CLN5: variants seen among roughly 807,000 people sequenced by gnomAD.
CLN5 encodes bis(monoacylglycero)phosphate synthase CLN5.
CLN5 carries 34 observed loss-of-function variants against 36.7 expected under a neutral mutation model. That is an observed-to-expected ratio of 0.93 (90% CI 0.71 to 1.23). CLN5 has a LOEUF of 1.23. Among genes scored for constraint, CLN5 ranks in the 50% most tolerant of loss-of-function variants. CLN5 has a pLI of 0.00. For synonymous variants in CLN5, 151 were observed against 155.1 expected (o/e 0.97, Z 0.20); for missense variants, 427 against 439.4 (o/e 0.97, Z 0.25).
rs1323647431 is a variant in CLN5 at position 77,004,911 on chromosome 13, A to G, written c.*3942A>G. 1 of 152,318 alleles carries G rather than the reference A, an allele frequency of 6.6e-6. No homozygotes were observed. Among genetic ancestry groups the G allele is most frequent in the East Asian group, 1.9e-4 (1 of 5,190 alleles). The allele number at this position is 152,318 out of a possible 1,614,324, so 9.4% of individuals were successfully genotyped here. Reference sequence around the variant, plus strand: ...AAAAACTATTCTAATTTATATAAAGACATTTATCTCTAAAAAGACTGGTTG... The same window carrying G: ...AAAAACTATTCTAATTTATATAAAGGCATTTATCTCTAAAAAGACTGGTTG... On this transcript the variant is annotated 3_prime_UTR_variant, in exon 4 of 4. Coordinates refer to ENST00000377453, the MANE Select transcript of CLN5 (RefSeq NM_006493.4).
At position 76,995,202 on chromosome 13, in the gene CLN5, A is replaced by G; in HGVS notation, c.313A>G (p.Lys105Glu). Residue 105 changes from lysine (K) to glutamate (E), a missense_variant, in exon 2 of 4, where the codon AAA becomes GAA. Physicochemically the swap from Lys to Glu is moderately conservative, Grantham distance 56 (BLOSUM62 1). Transcript: ENST00000377453. ...FRLQAPVWEF[K>E]YGDLLGHLKI... ...ATTACAAGCCCCAGTATGGGAATTTAAATATGGAGACCTCCTGGGACACTT... is the reference window on the plus strand; with the variant it reads ...ATTACAAGCCCCAGTATGGGAATTTGAATATGGAGACCTCCTGGGACACTT... 7 of 1,614,172 alleles carry G rather than the reference A, an allele frequency of 4.3e-6. No individual in the cohort carries two copies. Among genetic ancestry groups the G allele is most frequent in the Non-Finnish European group, 5.9e-6 (7 of 1,180,008 alleles).
Position 76,996,027 on chromosome 13 carries a change from C to T in CLN5, c.465C>T (p.Ala155=), listed in dbSNP as rs1480870613. ...CCCATCTCCGACCTGAAATGGATGC[C>T]CCTTTCTGGTGTAATCAAGGCGCTG... The part of the protein sequence containing the change: ...TFPHLRPEMD[A]PFWCNQGAAC... Residue 155 remains alanine, a synonymous_variant, in exon 3 of 4, where the codon GCC becomes GCT. Transcript: ENST00000377453. 3 of 1,614,100 alleles carry T rather than the reference C, an allele frequency of 1.9e-6. No individual in the cohort carries two copies. The highest frequency in any genetic ancestry group is 3.3e-4 in the Middle Eastern group (2 of 6,062).
At chr13:76,992,953 T>C (rs1045953140) in intron 1 of CLN5, 4 of 152,234 alleles carry the variant, frequency 2.6e-5, no homozygotes, top group African/African-American at 9.7e-5. Flanking sequence ...CAGAGATAGC[T>C]AAACACAGAG....
rs138068912 is a variant in CLN5, at chr13:76,996,180, A to G, written c.565+53A>G. 1.7e-5 allele frequency: 24 copies of G among 1,378,172 alleles called. No individual in the cohort carries two copies. In the East Asian group the frequency reaches 3.4e-4, roughly 20 times the overall value. 85.4% of individuals were successfully genotyped at this position (1,378,172 alleles called of 1,614,324 possible). A position where few individuals can be genotyped will look rare whatever the true frequency, so the allele number is the denominator to read the frequency against. Reference sequence around the variant, plus strand: ...GATCATTGCATCAAAAACCAAATGAAAGAAATTGTTATACTTCCATTGAAA... The same window carrying G: ...GATCATTGCATCAAAAACCAAATGAGAGAAATTGTTATACTTCCATTGAAA... On this transcript the variant is annotated intron_variant, in intron 3 of 3. Coordinates refer to ENST00000377453, the MANE Select transcript of CLN5 (RefSeq NM_006493.4).
chr13:76,995,145 A>G lies in CLN5; in HGVS notation c.256A>G (p.Met86Val), dbSNP rs780211160. Reference sequence around the variant, plus strand: ...TCCAACTGGCTCACCTATCCCAGTTATGGAGGGTGATGATGACATTGAAGT... The same window carrying G: ...TCCAACTGGCTCACCTATCCCAGTTGTGGAGGGTGATGATGACATTGAAGT... ...FCPTGSPIPV[M>V]EGDDDIEVFR... Residue 86 changes from methionine (M) to valine (V), a missense_variant, in exon 2 of 4, where the codon ATG becomes GTG. Coordinates refer to ENST00000377453, the MANE Select transcript of CLN5 (RefSeq NM_006493.4). 2 of 1,614,022 alleles carry G rather than the reference A, an allele frequency of 1.2e-6. No individual in the cohort carries two copies. The highest frequency in any genetic ancestry group is 1.1e-5 in the South Asian group (1 of 91,084).
chr13:76,995,955 C>T lies in CLN5; in HGVS notation c.393C>T (p.Tyr131=), dbSNP rs1228220283. The T allele has an allele frequency of 1.9e-6, 3 of 1,614,110 alleles. No individual in the cohort carries two copies. Among genetic ancestry groups the T allele is most frequent in the Non-Finnish European group, 2.5e-6 (3 of 1,180,048 alleles). ...GAAGTACATTAACTGGCAAGAACTA[C>T]ACAATGGAATGGTATGAACTTTTCC... ...GFRSTLTGKN[Y]TMEWYELFQL... The change falls in exon 3 of 4, where the codon TAC becomes TAT. Residue 131 remains tyrosine, a synonymous_variant. Transcript: ENST00000377453.
Position 77,001,290 on chromosome 13 carries a change from G to A in CLN5, c.*321G>A, listed in dbSNP as rs1171616865. 1 of 172,162 alleles carries A rather than the reference G, an allele frequency of 5.8e-6. No homozygotes were observed. The highest frequency in any genetic ancestry group is 1.2e-5 in the Non-Finnish European group (1 of 82,248). The allele number at this position is 172,162 out of a possible 1,614,324, so 10.7% of individuals were successfully genotyped here. ...CCTACAGATAGATATGGTGTGCCCA[G>A]ATTTTAAAAATACCTTCAAAAATAA... On this transcript the variant is annotated 3_prime_UTR_variant, in exon 4 of 4. Transcript: ENST00000377453.
intron 2 of CLN5, 173 bp downstream of exon 2, chr13:76,995,401 GACA>G (rs1448961470): frequency 7.5e-6 from 5 of 663,128 alleles, no homozygotes; most frequent in African/African-American, 1.8e-5. Context: ...TTGTAATCTT[GACA>G]ACAACAAATG....
Position 76,992,144 on chromosome 13 carries a change from G to C in CLN5, c.46G>C (p.Gly16Arg). ...DTAQGAEMRR[G>R]AGAARGRASW... ...GGCACAGGGCGCCGAGATGCGGCGG[G>C]GCGCGGGCGCGGCTCGGGGACGCGC... Residue 16 changes from glycine to arginine, a missense_variant, in exon 1 of 4, where the codon GGC becomes CGC. Transcript: ENST00000377453. 6.2e-7 allele frequency: 1 copy of C among 1,607,612 alleles called. No homozygotes were observed. The highest frequency in any genetic ancestry group is 1.3e-5 in the African/African-American group (1 of 74,798).
chr13:76,994,602 T>G (rs700358), intron 1 of CLN5: 1 of 173,450 alleles, frequency 5.8e-6, no homozygotes, highest in East Asian at 1.7e-4. Flanking sequence ...TCACTATATA[T>G]GTAGTGGAGC....
In CLN5 at chr13:76,992,122, A is replaced by G. The variant is rs757756318; in HGVS notation, c.24A>G (p.Ala8=). 25 of 1,610,832 alleles carry G rather than the reference A, an allele frequency of 1.6e-5. No individual in the cohort carries two copies. Among genetic ancestry groups the G allele is most frequent in the Non-Finnish European group, 2.0e-5 (24 of 1,178,940 alleles). The change falls in exon 1 of 4, where the codon GCA becomes GCG. Residue 8 remains alanine, a synonymous_variant. Coordinates refer to ENST00000377453, the MANE Select transcript of CLN5 (RefSeq NM_006493.4). MAQEVDT[A]QGAEMRRGAG... ...TGATGGCGCAGGAGGTAGACACGGC[A>G]CAGGGCGCCGAGATGCGGCGGGGCG... is the stretch of plus-strand genomic sequence containing the variant.
At chr13:76,999,477 T>C (rs1169475952) in intron 3 of CLN5, 5 of 152,266 alleles carry the variant, frequency 3.3e-5, no homozygotes, top group Non-Finnish European at 7.3e-5. Context: ...AGTTGATTTG[T>C]TGGAAGGACT....
At chr13:76,998,606 C>T (rs2034306840) in intron 3 of CLN5, 1 of 152,164 alleles carries the variant, frequency 6.6e-6, no homozygotes, top group African/African-American at 2.4e-5. Flanking sequence ...GGTATGTTAA[C>T]TCACGGTTCA....
chr13:76,992,317 AC>A, intron 1 of CLN5, 46 bp downstream of exon 1: 2 of 1,181,608 alleles, frequency 1.7e-6, no homozygotes, highest in Non-Finnish European at 1.2e-6. Flanking sequence ...GTCGGCGTTG[AC>A]GATGGGGGAT....
At chr13:76,996,790 G>A (rs2034275919) in intron 3 of CLN5, 1 of 152,670 alleles carries the variant, frequency 6.6e-6, no homozygotes, top group South Asian at 2.1e-4. Context: ...TGCGTATAAT[G>A]AGTTCTCTTC....
intron 1 of CLN5, chr13:76,994,626 G>T: frequency 5.8e-6 from 1 of 171,762 alleles, no homozygotes; most frequent in Non-Finnish European, 1.2e-5. Flanking sequence ...AATAAATATT[G>T]GTTGAATGAA....
At position 77,000,696 on chromosome 13, in the gene CLN5, T is replaced by C. The variant is rs575331884; in HGVS notation, c.804T>C (p.Tyr268=). Residue 268 remains tyrosine, a synonymous_variant, in exon 4 of 4, where the codon TAT becomes TAC. Coordinates refer to ENST00000377453, the MANE Select transcript of CLN5 (RefSeq NM_006493.4). The part of the protein sequence containing the change: ...RIFLYSGEPT[Y]LGNETSVFGP... ...TTCTTTACAGTGGAGAACCTACTTA[T>C]CTGGGAAATGAAACATCTGTTTTTG... 6 of 1,613,952 alleles carry C rather than the reference T, an allele frequency of 3.7e-6. No individual in the cohort carries two copies. Among genetic ancestry groups the C allele is most frequent in the South Asian group, 3.3e-5 (3 of 91,080 alleles).
At position 77,000,914 on chromosome 13, in the gene CLN5, T is replaced by C. The variant is rs2034350570; in HGVS notation, c.1022T>C (p.Ile341Thr). ...FLPMKFPFIKITYEEIPLPIR... is the reference protein window; with the variant it reads ...FLPMKFPFIKTTYEEIPLPIR... ...CCTATGAAATTCCCTTTTATTAAAA[T>C]AACATATGAAGAAATCCCTTTACCT... The change falls in exon 4 of 4, where the codon ATA becomes ACA. Residue 341 changes from isoleucine (I) to threonine (T), a missense_variant. Transcript: ENST00000377453. 4 of 1,593,352 alleles carry C rather than the reference T, an allele frequency of 2.5e-6. No individual in the cohort carries two copies. The highest frequency in any genetic ancestry group is 1.4e-5 in the African/African-American group (1 of 73,638).
intron 3 of CLN5, chr13:76,996,365 T>C (rs1162113892): frequency 1.7e-5 from 8 of 484,352 alleles, no homozygotes; most frequent in Admixed American, 6.7e-5. Context: ...ATAAGTTCTT[T>C]AGTGGTGATT....
Sources: gnomAD v4.1 joint callset for allele counts on GRCh38, gnomAD v4.1.1 for gene constraint, MANE v1.5 for transcripts, NCBI Gene and HGNC (gene_info 2026-07-23, HGNC 2026-07-21) for gene names.